The following SSH2 variants were observed in gnomAD, a reference collection of about 807,000 sequenced individuals.
SSH2 encodes protein phosphatase Slingshot homolog 2.
Under a neutral mutation model 135.2 loss-of-function variants are expected in SSH2, and 37 were observed. The ratio of observed to expected loss-of-function variants is 0.27; its 90% CI spans 0.21 to 0.36. The LOEUF is 0.36. SSH2 is among the 10% of genes least tolerant of loss of function. SSH2 has a pLI of 1.00. For missense variants in SSH2, 1,408 were observed against 1,765.3 expected (o/e 0.80, Z 3.63); for synonymous variants, 628 against 646.2 (o/e 0.97, Z 0.43).
chr17:29,771,782 T>C (rs2041591381), intron 3 of SSH2, among the ~76,000 whole-genome samples: 4 of 152,214 alleles, frequency 2.6e-5, no homozygotes, highest in Non-Finnish European at 4.4e-5. Context: ...TTGTTTAGGA[T>C]GGTCAAGTTT....
chr17:29,831,096 A>T (rs1401318821), intron 2 of SSH2, among the ~76,000 whole-genome samples: 1 of 152,206 alleles, frequency 6.6e-6, no homozygotes, highest in East Asian at 1.9e-4. Context: ...TCTGGGTGCC[A>T]GAATTGTTTG....
intron 1 of SSH2, among the ~76,000 whole-genome samples, chr17:29,851,351 C>A (rs2065555276): frequency 6.6e-6 from 1 of 152,008 alleles, no homozygotes. Flanking sequence ...AATCCCAACA[C>A]TTTGGGAGGC....
intron 12 of SSH2, 132 bp from the exon 13 acceptor site, chr17:29,650,932 A>G (rs1345647102): frequency 2.9e-6 from 2 of 693,838 alleles, no homozygotes; most frequent in Non-Finnish European, 4.4e-6. Context: ...GAAGACAGCT[A>G]AAAAACTAAG....
At chr17:29,694,311 C>G (rs1300331405) in intron 5 of SSH2, among the ~76,000 whole-genome samples, 1 of 152,032 alleles carries the variant, frequency 6.6e-6, no homozygotes, top group African/African-American at 2.4e-5. Flanking sequence ...TTTTGTTTTC[C>G]TAGTTTTATT....
At chr17:29,643,343 G>A in intron 14 of SSH2, 1 of 905,068 alleles carries the variant, frequency 1.1e-6, no homozygotes, top group Non-Finnish European at 1.3e-6. Context: ...GATTTGATTT[G>A]GGTGTTCACT....
At chr17:29,693,512 A>C (rs981058728) in intron 5 of SSH2, among the ~76,000 whole-genome samples, 2 of 151,706 alleles carry the variant, frequency 1.3e-5, no homozygotes, top group African/African-American at 4.8e-5. Context: ...GGGTTTTACC[A>C]TGTTGGCCAG....
chr17:29,747,134 C>G (rs926764475), intron 3 of SSH2, among the ~76,000 whole-genome samples: 1 of 152,076 alleles, frequency 6.6e-6, no homozygotes, highest in Non-Finnish European at 1.5e-5. Flanking sequence ...AATTATCTCA[C>G]GTGATATCCA....
chr17:29,829,661 A>T (rs1378654363), intron 2 of SSH2, among the ~76,000 whole-genome samples: 1 of 152,118 alleles, frequency 6.6e-6, no homozygotes, highest in Non-Finnish European at 1.5e-5. Flanking sequence ...CAATATGTAC[A>T]GAGTACCTCC....
intron 8 of SSH2, chr17:29,676,016 T>C (rs907252791): frequency 7.9e-5 from 12 of 152,218 alleles, no homozygotes; most frequent in African/African-American, 2.9e-4. Flanking sequence ...GAAATGTCCA[T>C]ATGCCAGCTG....
intron 8 of SSH2, chr17:29,676,375 G>T: frequency 6.4e-6 from 1 of 155,548 alleles, no homozygotes; most frequent in Non-Finnish European, 1.4e-5. Context: ...GGCGGAGGTT[G>T]CAGTGAGCCG....
intron 3 of SSH2, among the ~76,000 whole-genome samples, chr17:29,761,750 A>G (rs2041315122): frequency 6.6e-6 from 1 of 152,224 alleles, no homozygotes; most frequent in Non-Finnish European, 1.5e-5. Flanking sequence ...AAGATCTTAA[A>G]AAATGTAAAG....
chr17:29,778,661 A>T (rs112682709), intron 3 of SSH2, among the ~76,000 whole-genome samples: 4,508 of 142,812 alleles, frequency 0.032, 248 homozygotes, highest in African/African-American at 0.11. Context: ...TAAATAAATA[A>T]AAATAAATAA....
chr17:29,913,791 C>T (rs566289441), intron 1 of SSH2, among the ~76,000 whole-genome samples: 1 of 151,860 alleles, frequency 6.6e-6, no homozygotes, highest in Non-Finnish European at 1.5e-5. Flanking sequence ...AGCACCACCA[C>T]GCCGGCCTAA....
At position 29,629,581 on chromosome 17, in the gene SSH2, C is replaced by T. The variant is rs1415824082; in HGVS notation, c.*1260G>A. Reference sequence around the variant, plus strand: ...GTGTCTGTGTTTTCCAGTTGCAACTCTACTCCTTCTTAAAAAGAATAAATC... The same window carrying T: ...GTGTCTGTGTTTTCCAGTTGCAACTTTACTCCTTCTTAAAAAGAATAAATC... On this transcript the variant is annotated 3_prime_UTR_variant, in exon 16 of 16. Transcript: ENST00000540801. 1 of 152,596 alleles carries T rather than the reference C, an allele frequency of 6.6e-6. No individual in the cohort carries two copies. Among genetic ancestry groups the T allele is most frequent in the Non-Finnish European group, 1.5e-5 (1 of 68,042 alleles). 9.5% of individuals were successfully genotyped at this position (152,596 alleles called of 1,614,324 possible).
intron 2 of SSH2, among the ~76,000 whole-genome samples, chr17:29,822,701 G>C (rs1484752693): frequency 6.6e-6 from 1 of 152,114 alleles, no homozygotes; most frequent in Non-Finnish European, 1.5e-5. Context: ...TCTGGTCCTA[G>C]TTTCCTCCAA....
chr17:29,852,112 TCTCTACTAAA>T (rs1221691123), intron 1 of SSH2, among the ~76,000 whole-genome samples: 1 of 151,708 alleles, frequency 6.6e-6, no homozygotes, highest in Non-Finnish European at 1.5e-5. Flanking sequence ...TGAAAACCCG[TCTCTACTAAA>T]AATACAAAAA....
chr17:29,685,099 T>C (rs935637321), intron 5 of SSH2, among the ~76,000 whole-genome samples: 2 of 152,200 alleles, frequency 1.3e-5, no homozygotes, highest in Admixed American at 6.5e-5. Context: ...AATTATAATA[T>C]GGAGCAAACT....
chr17:29,776,772 T>A (rs915519575), intron 3 of SSH2: 1 of 152,230 alleles, frequency 6.6e-6, no homozygotes, highest in African/African-American at 2.4e-5. Flanking sequence ...GAGCTGTGGC[T>A]TCAGCTCCCT....
intron 3 of SSH2, among the ~76,000 whole-genome samples, chr17:29,741,108 G>C (rs901343532): frequency 6.6e-6 from 1 of 152,092 alleles, no homozygotes; most frequent in Admixed American, 6.5e-5. Context: ...TATGAAACAG[G>C]GTCTTGATAA....
Sources: allele counts gnomAD v4.1 joint callset (sites outside exome capture counted in the v4.1 genomes callset), GRCh38; gene constraint gnomAD v4.1.1; transcripts MANE v1.5; gene names NCBI Gene and HGNC (gene_info 2026-07-23, HGNC 2026-07-21).